EXOC1: variants seen among roughly 807,000 people sequenced by gnomAD.
EXOC1 encodes exocyst complex component 1.
A neutral mutation model predicts 107.7 loss-of-function variants in EXOC1; 67 were observed. The ratio of observed to expected loss-of-function variants is 0.62; its 90% confidence interval spans 0.51 to 0.76. The LOEUF (loss-of-function observed/expected upper bound fraction) is 0.76, where lower values mean the gene tolerates loss of function less well. Ranked by LOEUF, EXOC1 falls within the 30% of genes least tolerant of loss-of-function variation. EXOC1 has a pLI of 0.00. For synonymous variants in EXOC1, 348 were observed against 353.5 expected (o/e 0.98, Z 0.17); for missense variants, 833 against 1,055.7 (o/e 0.79, Z 2.92).
intron 8 of EXOC1, chr4:55,876,132 A>G: frequency 1.0e-6 from 1 of 985,250 alleles, no homozygotes; most frequent in Non-Finnish European, 1.2e-6. Context: ...TTTACTTAAT[A>G]TTATTGATTT....
chr4:55,870,749 A>G lies in EXOC1; in HGVS notation c.675A>G (p.Leu225=), dbSNP rs1432396798. 1 of 1,613,928 alleles carries G rather than the reference A, an allele frequency of 6.2e-7. No homozygotes were observed. Among genetic ancestry groups the G allele is most frequent in the Non-Finnish European group, 8.5e-7 (1 of 1,179,898 alleles). Residue 225 remains leucine, a synonymous_variant, in exon 6 of 19, where the codon CTA becomes CTG. Transcript: ENST00000381295. ...NILMKLLDEA[L]KEVDQIELKL... ...TGATGAAATTGCTAGATGAGGCTCTAAAGGAGGTAGATCAGATTGAATTGA... is the reference window on the plus strand; with the variant it reads ...TGATGAAATTGCTAGATGAGGCTCTGAAGGAGGTAGATCAGATTGAATTGA...
At chr4:55,885,019 C>A (rs17086112) in intron 10 of EXOC1, among the ~76,000 whole-genome samples, 2 of 151,922 alleles carry the variant, frequency 1.3e-5, no homozygotes, top group Non-Finnish European at 2.9e-5. Context: ...AGTAGGCTTT[C>A]GGAAACAGAA....
intron 15 of EXOC1, among the ~76,000 whole-genome samples, chr4:55,896,403 CA>C (rs1725209549): frequency 6.6e-6 from 1 of 152,170 alleles, no homozygotes; most frequent in Non-Finnish European, 1.5e-5. Context: ...CTTGGCCTCC[CA>C]AAGTGCTGGG....
rs769013 is a variant in EXOC1, at chr4:55,868,679, G to C, written c.603+156G>C. On this transcript the variant is annotated intron_variant, in intron 5 of 18. Transcript: ENST00000381295. ...TACCAGCTGCCATCAGTCTTTTACTGTTCTTGTTCAAAAGATGAACTATTC... is the reference window on the plus strand; with the variant it reads ...TACCAGCTGCCATCAGTCTTTTACTCTTCTTGTTCAAAAGATGAACTATTC... 3.2e-3 allele frequency: 1,678 copies of C among 528,876 alleles called. 30 individuals are homozygous for C. The highest frequency in any genetic ancestry group is 0.029 in the African/African-American group (1,480 of 51,428). 32.8% of individuals were successfully genotyped at this position (528,876 alleles called of 1,614,324 possible).
intron 14 of EXOC1, among the ~76,000 whole-genome samples, 161 bp from the exon 15 acceptor site, chr4:55,893,391 A>T (rs1347372278): frequency 6.6e-6 from 1 of 152,208 alleles, no homozygotes; most frequent in Non-Finnish European, 1.5e-5. Context: ...AAGTGCTGGG[A>T]TTACAGGCGT....
At chr4:55,891,582 T>C (rs1352405534) in intron 13 of EXOC1, among the ~76,000 whole-genome samples, 160 bp downstream of exon 13, 1 of 152,216 alleles carries the variant, frequency 6.6e-6, no homozygotes, top group East Asian at 1.9e-4. Context: ...GGAATTTTTG[T>C]AATACCACAA....
chr4:55,871,799 G>A, intron 7 of EXOC1, 50 bp from the exon 8 acceptor site: 1 of 1,525,444 alleles, frequency 6.6e-7, no homozygotes. Context: ...TAAACATCAA[G>A]GAAATCTTTT....
intron 3 of EXOC1, 41 bp from the exon 4 acceptor site, chr4:55,864,186 A>G (rs1238940615): frequency 1.6e-5 from 21 of 1,288,832 alleles, no homozygotes; most frequent in Non-Finnish European, 2.1e-5. Flanking sequence ...ATGTAAAAGG[A>G]TGTGATCAAA....
intron 18 of EXOC1, among the ~76,000 whole-genome samples, chr4:55,902,926 A>G (rs7690739): frequency 0.082 from 12,438 of 151,840 alleles, 604 homozygotes; most frequent in African/African-American, 0.11. Context: ...GAAACGATAC[A>G]TCTCTTGTAC....
intron 8 of EXOC1, chr4:55,872,640 T>G (rs1722549717): frequency 4.5e-6 from 1 of 222,670 alleles, no homozygotes; most frequent in Admixed American, 6.5e-5. Context: ...GAAAAAAAAT[T>G]GGGGGAATAT....
At chr4:55,867,698 A>G (rs1352542007) in intron 4 of EXOC1, among the ~76,000 whole-genome samples, 1 of 152,124 alleles carries the variant, frequency 6.6e-6, no homozygotes. Flanking sequence ...GCTCTTACTT[A>G]GAGTTATTGA....
intron 5 of EXOC1, among the ~76,000 whole-genome samples, chr4:55,869,580 A>T (rs1327951869): frequency 2.0e-5 from 3 of 152,186 alleles, no homozygotes; most frequent in African/African-American, 7.2e-5. Context: ...GAGAGATTAT[A>T]TGAATAGTCC....
In EXOC1 at chr4:55,891,377, T is replaced by C; in HGVS notation, c.1602T>C (p.Ser534=). Residue 534 remains serine, a synonymous_variant, in exon 13 of 19, where the codon AGT becomes AGC. Transcript: ENST00000381295. ...GTCTGGCAGAACAGGACTTCATAAGTAAATTTTTCAAACTACAGCAACATC... is the reference window on the plus strand; with the variant it reads ...GTCTGGCAGAACAGGACTTCATAAGCAAATTTTTCAAACTACAGCAACATC... ...PLCLAEQDFI[S]KFFKLQQHQS... 6.2e-7 allele frequency: 1 copy of C among 1,613,974 alleles called. No homozygotes were observed. Among genetic ancestry groups the C allele is most frequent in the African/African-American group, 1.3e-5 (1 of 75,048 alleles).
intron 2 of EXOC1, among the ~76,000 whole-genome samples, chr4:55,859,012 A>G (rs544081950): frequency 6.6e-6 from 1 of 152,306 alleles, no homozygotes; most frequent in South Asian, 2.1e-4. Flanking sequence ...CAAAAGTTTT[A>G]TAATTTTGCC....
At position 55,893,535 on chromosome 4, in the gene EXOC1, G is replaced by C. The variant is rs1724831640; in HGVS notation, c.1725-17G>C. On this transcript the variant is annotated splice_polypyrimidine_tract_variant and intron_variant, in intron 14 of 18. Transcript: ENST00000381295. ...AGCTTGTTATAACTTTATACTTCTT[G>C]TCTGTTTTCTGAACAGGAAAGATAT... 6.2e-7 allele frequency: 1 copy of C among 1,605,662 alleles called. No homozygotes were observed. The highest frequency in any genetic ancestry group is 8.5e-7 in the Non-Finnish European group (1 of 1,175,804).
chr4:55,904,656 A>G lies in EXOC1; in HGVS notation c.*161A>G, dbSNP rs1726412356. On this transcript the variant is annotated 3_prime_UTR_variant, in exon 19 of 19. Coordinates refer to ENST00000381295, the MANE Select transcript of EXOC1 (RefSeq NM_001024924.2). ...ACCATACTACAAATATTTAAATGCA[A>G]AATTACCAACCTATATAGCAGTTTT... 7 of 624,038 alleles carry G rather than the reference A, an allele frequency of 1.1e-5. No individual in the cohort carries two copies. In the South Asian group the frequency reaches 2.5e-4, roughly 22 times the overall value. 38.7% of individuals were successfully genotyped at this position (624,038 alleles called of 1,614,324 possible). A position where few individuals can be genotyped will look rare whatever the true frequency, so the allele number is the denominator to read the frequency against.
At chr4:55,887,156 G>A (rs1723966387) in intron 10 of EXOC1, among the ~76,000 whole-genome samples, 1 of 150,402 alleles carries the variant, frequency 6.6e-6, no homozygotes, top group African/African-American at 2.5e-5. Flanking sequence ...ACTTTCTACT[G>A]TTGAGATATA....
intron 10 of EXOC1, among the ~76,000 whole-genome samples, chr4:55,884,398 A>C (rs1004258326): frequency 6.6e-6 from 1 of 152,220 alleles, no homozygotes; most frequent in Non-Finnish European, 1.5e-5. Flanking sequence ...TTTGAATCAA[A>C]AAGAAAGTTT....
At chr4:55,871,798 A>G in intron 7 of EXOC1, 51 bp from the exon 8 acceptor site, 2 of 1,520,670 alleles carry the variant, frequency 1.3e-6, no homozygotes, top group African/African-American at 1.4e-5. Flanking sequence ...TTAAACATCA[A>G]GGAAATCTTT....
Sources: gnomAD v4.1 joint callset for allele counts (sites outside exome capture counted in the v4.1 genomes callset) on GRCh38, gnomAD v4.1.1 for gene constraint, MANE v1.5 for transcripts, NCBI Gene and HGNC (gene_info 2026-07-23, HGNC 2026-07-21) for gene names.